TRAK1: variants seen among roughly 807,000 people sequenced by gnomAD.
TRAK1 encodes trafficking kinesin-binding protein 1.
A neutral mutation model predicts 92.1 loss-of-function variants in TRAK1; 33 were observed. The observed-to-expected ratio is 0.36, with a 90% CI of 0.27 to 0.48. The LOEUF is 0.48. Ranked by LOEUF, TRAK1 falls within the 20% of genes least tolerant of loss-of-function variation. The pLI is 0.99. For synonymous variants in TRAK1, 521 were observed against 517.3 expected (o/e 1.01, Z -0.10); for missense variants, 1,123 against 1,257.9 (o/e 0.89, Z 1.62).
chr3:42,166,313 A>G (rs1701857873), intron 2 of TRAK1, among the ~76,000 whole-genome samples: 1 of 152,102 alleles, frequency 6.6e-6, no homozygotes, highest in Non-Finnish European at 1.5e-5. Context: ...ACATACAGAC[A>G]ACTCTTAACA....
In TRAK1 at chr3:42,209,972, C is replaced by T. The variant is rs907002495; in HGVS notation, c.1950C>T (p.His650=). The change falls in exon 14 of 16, where the codon CAC becomes CAT. Residue 650 remains histidine (H), a synonymous_variant. Coordinates refer to ENST00000327628, the MANE Select transcript of TRAK1 (RefSeq NM_001042646.3). ...PRLATSTPVQ[H]PETSAHHPGK... is the part of the protein sequence containing the mutation. Reference sequence around the variant, plus strand: ...TAGCTACCTCCACTCCAGTTCAGCACCCAGAGACCTCAGGTGAGAGGTCCC... The same window carrying T: ...TAGCTACCTCCACTCCAGTTCAGCATCCAGAGACCTCAGGTGAGAGGTCCC... 1 of 1,614,218 alleles carries T rather than the reference C, an allele frequency of 6.2e-7. No individual in the cohort carries two copies. Among genetic ancestry groups the T allele is most frequent in the Non-Finnish European group, 8.5e-7 (1 of 1,180,040 alleles).
At chr3:42,024,955 C>A in intron 1 of TRAK1, among the ~76,000 whole-genome samples, 1 of 152,178 alleles carries the variant, frequency 6.6e-6, no homozygotes, top group East Asian at 1.9e-4. Flanking sequence ...TGAGTCTCCT[C>A]TTGTCACTTT....
rs764820987 is a variant in TRAK1 at position 42,223,329 on chromosome 3, C to T, written c.2454C>T (p.Ile818=). Residue 818 remains isoleucine (I), a synonymous_variant, in exon 16 of 16, where the codon ATC becomes ATT. Transcript: ENST00000327628. The surrounding 1 kb of genome is among the most constrained non-coding windows in gnomAD (Gnocchi z 6.1). ...NFLASKPASS[I]LREVREKNVR... ...TGGCTTCCAAGCCAGCCAGCTCCATCCTGAGGGAAGTGAGAGAAAAGAACG... is the reference window on the plus strand; with the variant it reads ...TGGCTTCCAAGCCAGCCAGCTCCATTCTGAGGGAAGTGAGAGAAAAGAACG... 3.1e-6 allele frequency: 5 copies of T among 1,614,236 alleles called. No homozygotes were observed. The South Asian group carries it at 4.4e-5, about 14-fold the overall frequency.
At chr3:42,112,164 C>T (rs1293080363) in intron 1 of TRAK1, among the ~76,000 whole-genome samples, 2 of 112,008 alleles carry the variant, frequency 1.8e-5, no homozygotes, top group Non-Finnish European at 3.4e-5. Context: ...TTTTTTGAGA[C>T]GTAGTCTTAC....
At chr3:42,163,569 A>G (rs1701517367) in intron 2 of TRAK1, among the ~76,000 whole-genome samples, 1 of 148,196 alleles carries the variant, frequency 6.7e-6, no homozygotes, top group African/African-American at 2.6e-5. Context: ...CTCCATCTCA[A>G]AGAAAAAAAA....
chr3:42,196,834 C>T (rs577957729), intron 10 of TRAK1, among the ~76,000 whole-genome samples: 59 of 152,024 alleles, frequency 3.9e-4, no homozygotes, highest in African/African-American at 1.4e-3. Context: ...AGGCATGAGC[C>T]GCCGCGCCTG....
At chr3:42,136,474 T>A (rs1355514854) in intron 2 of TRAK1, among the ~76,000 whole-genome samples, 1 of 151,874 alleles carries the variant, frequency 6.6e-6, no homozygotes, top group Non-Finnish European at 1.5e-5. Flanking sequence ...AAAAAATGTT[T>A]AAAAATTACC....
chr3:42,185,316 G>A (rs1378176278), intron 4 of TRAK1, among the ~76,000 whole-genome samples: 1 of 152,228 alleles, frequency 6.6e-6, no homozygotes, highest in Non-Finnish European at 1.5e-5. Flanking sequence ...GTATAATTTT[G>A]TGTGTGTAAA....
intron 1 of TRAK1, among the ~76,000 whole-genome samples, chr3:42,055,303 ACTCT>A (rs1019880911): frequency 6.6e-6 from 1 of 151,794 alleles, no homozygotes; most frequent in African/African-American, 2.4e-5. Flanking sequence ...TGCCCGTAAA[ACTCT>A]CTCTCTTTAT....
chr3:42,212,206 T>C, intron 14 of TRAK1: 1 of 985,420 alleles, frequency 1.0e-6, no homozygotes, highest in Non-Finnish European at 1.2e-6. Context: ...GGGGAAGGCA[T>C]GGGGCATCCT....
chr3:42,221,912 GT>G (rs1176669008), intron 15 of TRAK1: 1 of 151,902 alleles, frequency 6.6e-6, no homozygotes, highest in Non-Finnish European at 1.5e-5. Flanking sequence ...ATACCCCGCC[GT>G]GACGACTTGA....
intron 15 of TRAK1, chr3:42,220,707 G>A: frequency 5.7e-6 from 4 of 697,908 alleles, no homozygotes; most frequent in Non-Finnish European, 7.1e-6. Context: ...CTGTGGTTGT[G>A]CCTGGCTAAC....
intron 8 of TRAK1, 92 bp from the exon 9 acceptor site, chr3:42,193,729 AGTG>A: frequency 8.1e-7 from 1 of 1,234,120 alleles, no homozygotes; most frequent in South Asian, 1.2e-5. Context: ...CCTTGTAGAA[AGTG>A]ATGAGTTCAT....
intron 1 of TRAK1, among the ~76,000 whole-genome samples, chr3:42,098,529 G>A (rs553131668): frequency 1.3e-5 from 2 of 152,224 alleles, no homozygotes; most frequent in South Asian, 2.1e-4. Flanking sequence ...GCTGAAGACC[G>A]TGAGTTCTGT....
At chr3:42,095,433 A>G (rs550594771) in intron 1 of TRAK1, among the ~76,000 whole-genome samples, 1 of 152,342 alleles carries the variant, frequency 6.6e-6, no homozygotes, top group East Asian at 1.9e-4. Flanking sequence ...GGGGTTTTAA[A>G]TTATGAAAAT....
rs535425987 is a variant in TRAK1 at position 42,113,216 on chromosome 3, C to CT, written c.92-12203dup. On this transcript the variant is annotated intron_variant, in intron 1 of 15. Coordinates refer to ENST00000327628, the MANE Select transcript of TRAK1 (RefSeq NM_001042646.3). ...CATAATTGCATCACTGCACTTCAGC[C>CT]TAGGTGACAGAATGAGACCCTATCT... Among the ~76,000 whole-genome samples, 952 of 152,338 alleles carry CT rather than the reference C, an allele frequency of 6.2e-3. 11 individuals carry two copies. The highest frequency in any genetic ancestry group is 9.4e-3 in the Admixed American group (144 of 15,300).
At chr3:42,016,114 A>C (rs1273912874) in intron 1 of TRAK1, among the ~76,000 whole-genome samples, 1 of 152,228 alleles carries the variant, frequency 6.6e-6, no homozygotes, top group Admixed American at 6.5e-5. Flanking sequence ...CATTGAATGG[A>C]GTTCTTAAAC....
intron 14 of TRAK1, chr3:42,212,496 T>C: frequency 2.0e-6 from 2 of 985,226 alleles, no homozygotes; most frequent in Non-Finnish European, 2.4e-6. Flanking sequence ...TTGATTAATG[T>C]ATTTAAATGT....
chr3:42,045,734 C>G (rs1181121867), intron 1 of TRAK1, among the ~76,000 whole-genome samples: 1 of 152,138 alleles, frequency 6.6e-6, no homozygotes, highest in East Asian at 1.9e-4. Context: ...TGGTTGGGAT[C>G]CAGGACCCAG....
Sources: gnomAD v4.1 joint callset for allele counts (sites outside exome capture counted in the v4.1 genomes callset) on GRCh38, gnomAD v4.1.1 for gene constraint, Gnocchi (gnomAD v3.1) non-coding constraint, MANE v1.5 for transcripts, NCBI Gene and HGNC (gene_info 2026-07-23, HGNC 2026-07-21) for gene names.